ATRNL1: variants seen among roughly 807,000 people sequenced by gnomAD.
ATRNL1 encodes the protein attractin like 1.
Under a neutral mutation model 182.7 loss-of-function variants are expected in ATRNL1, and 95 were observed. The ratio of observed to expected loss-of-function variants is 0.52; its 90% confidence interval spans 0.44 to 0.62. The LOEUF is 0.62. ATRNL1 is among the 20% of genes least tolerant of loss of function. The probability of loss-of-function intolerance (pLI) is 0.00; values close to 1 mark genes in which losing one functional copy is unlikely to be tolerated. For synonymous variants in ATRNL1, 576 were observed against 568.3 expected (o/e 1.01, Z -0.19); for missense variants, 1,471 against 1,679.5 (o/e 0.88, Z 2.17).
intron 9 of ATRNL1, among the ~76,000 whole-genome samples, chr10:115,232,975 G>T (rs782490785): frequency 6.6e-6 from 1 of 152,078 alleles, no homozygotes; most frequent in African/African-American, 2.4e-5. Context: ...TGTCAGCAGG[G>T]CCATTCCCTC....
intron 26 of ATRNL1, among the ~76,000 whole-genome samples, chr10:115,632,455 A>G (rs1292539391): frequency 6.6e-6 from 1 of 152,190 alleles, no homozygotes; most frequent in Non-Finnish European, 1.5e-5. Flanking sequence ...CAGTAATAAT[A>G]GGGATAAGAA....
At chr10:115,144,185 T>A (rs1390509623) in intron 5 of ATRNL1, among the ~76,000 whole-genome samples, 13 of 151,432 alleles carry the variant, frequency 8.6e-5, no homozygotes, top group African/African-American at 2.9e-4. Flanking sequence ...TCTCATGCTG[T>A]CGCCCAGGCT....
At chr10:115,358,511 A>G (rs572979751) in intron 19 of ATRNL1, among the ~76,000 whole-genome samples, 2 of 151,646 alleles carry the variant, frequency 1.3e-5, no homozygotes, top group Non-Finnish European at 3.0e-5. Context: ...CAAGCATTAT[A>G]TCTAAAAATG....
intron 3 of ATRNL1, among the ~76,000 whole-genome samples, chr10:115,123,821 C>T (rs953478322): frequency 5.3e-5 from 8 of 152,020 alleles, no homozygotes; most frequent in South Asian, 4.2e-4. Context: ...AGATCAGCAG[C>T]GGCATTAGAT....
intron 27 of ATRNL1, among the ~76,000 whole-genome samples, chr10:115,797,936 G>A (rs1302026846): frequency 6.6e-6 from 1 of 150,414 alleles, no homozygotes; most frequent in Non-Finnish European, 1.5e-5. Flanking sequence ...TTCTTTTTTT[G>A]AGACGGAGTC....
chr10:115,436,016 T>C (rs1554964745), intron 21 of ATRNL1, among the ~76,000 whole-genome samples: 1 of 152,148 alleles, frequency 6.6e-6, no homozygotes, highest in Non-Finnish European at 1.5e-5. Context: ...GCATTTTTAT[T>C]GTTGGGGTAC....
rs528524393 is a variant in ATRNL1 at position 115,749,756 on chromosome 10, A to G, written c.3903+22401A>G. ...TGGAAAGAGAGATATCTAAAAAGGG[A>G]TGAAATCATGCCAAACATCTTATCT... On this transcript the variant is annotated intron_variant, in intron 27 of 28. Transcript: ENST00000355044. Among the ~76,000 whole-genome samples the G allele has an allele frequency of 2.7e-4, 41 of 152,042 alleles. 1 individual carries two copies. The highest frequency in any genetic ancestry group is 8.9e-4 in the African/African-American group (37 of 41,542).
intron 27 of ATRNL1, among the ~76,000 whole-genome samples, chr10:115,745,233 T>G (rs1359124069): frequency 6.6e-6 from 1 of 152,052 alleles, no homozygotes; most frequent in Non-Finnish European, 1.5e-5. Flanking sequence ...CCATATTTTA[T>G]GCAGACTTCT....
intron 8 of ATRNL1, among the ~76,000 whole-genome samples, chr10:115,179,756 A>G (rs17722466): frequency 0.037 from 5,657 of 152,202 alleles, 134 homozygotes; most frequent in Non-Finnish European, 0.052. Context: ...AGAAGTATAA[A>G]CATTTCAGAA....
At chr10:115,173,805 C>T (rs1847385219) in intron 8 of ATRNL1, among the ~76,000 whole-genome samples, 1 of 150,978 alleles carries the variant, frequency 6.6e-6, no homozygotes, top group Admixed American at 6.6e-5. Context: ...TACCTTTGCT[C>T]ATCCCTTTAT....
chr10:115,373,427 C>A (rs1044149027), intron 19 of ATRNL1, among the ~76,000 whole-genome samples: 1 of 151,952 alleles, frequency 6.6e-6, no homozygotes, highest in Non-Finnish European at 1.5e-5. Context: ...TGTCGGAAAC[C>A]TTGTCTTATT....
At chr10:115,835,619 G>A (rs1200735367) in intron 27 of ATRNL1, among the ~76,000 whole-genome samples, 1 of 152,142 alleles carries the variant, frequency 6.6e-6, no homozygotes, top group African/African-American at 2.4e-5. Flanking sequence ...ATATAAAATT[G>A]GGCCTTGGCC....
chr10:115,888,414 G>C (rs1952002670), intron 28 of ATRNL1, among the ~76,000 whole-genome samples: 1 of 152,116 alleles, frequency 6.6e-6, no homozygotes, highest in Admixed American at 6.6e-5. Flanking sequence ...TGTTTTTTCA[G>C]GGCCAGAAGA....
chr10:115,557,993 C>T (rs577530309), intron 26 of ATRNL1, among the ~76,000 whole-genome samples: 93 of 150,674 alleles, frequency 6.2e-4, no homozygotes, highest in African/African-American at 2.2e-3. Flanking sequence ...TGCAGTGAGC[C>T]GAGATCCTGC....
chr10:115,828,830 A>C lies in ATRNL1; in HGVS notation c.3904-19047A>C, dbSNP rs1376802674. 2.0e-5 allele frequency among the ~76,000 whole-genome samples: 3 copies of C among 152,202 alleles called. No homozygotes were observed. In the East Asian group the frequency reaches 5.8e-4, roughly 29 times the overall value. The stretch of plus-strand genomic sequence containing the variant: ...TAAGTATGCATTTATCAGCCTGTGC[A>C]GGACAAATCTAAGAGTCTCCTAATA... On this transcript the variant is annotated intron_variant, in intron 27 of 28. Coordinates refer to ENST00000355044, the MANE Select transcript of ATRNL1 (RefSeq NM_207303.4).
chr10:115,824,603 G>A (rs1950383618), intron 27 of ATRNL1, among the ~76,000 whole-genome samples: 1 of 152,098 alleles, frequency 6.6e-6, no homozygotes, highest in Non-Finnish European at 1.5e-5. Flanking sequence ...CAAAAAGTGG[G>A]CGAAGGATAT....
At chr10:115,405,150 T>C (rs1458435704) in intron 20 of ATRNL1, among the ~76,000 whole-genome samples, 1 of 152,216 alleles carries the variant, frequency 6.6e-6, no homozygotes, top group Non-Finnish European at 1.5e-5. Flanking sequence ...TTGATCAGTC[T>C]TCTATATATT....
At chr10:115,677,398 T>C (rs577636855) in intron 26 of ATRNL1, among the ~76,000 whole-genome samples, 3 of 152,142 alleles carry the variant, frequency 2.0e-5, no homozygotes, top group South Asian at 4.1e-4. Flanking sequence ...GCAAGTGATA[T>C]GGTTTGGCTG....
chr10:115,427,319 T>C (rs1277129844), intron 21 of ATRNL1, among the ~76,000 whole-genome samples: 1 of 152,220 alleles, frequency 6.6e-6, no homozygotes, highest in East Asian at 1.9e-4. Flanking sequence ...TTAGATTGTT[T>C]TTATATTAAC....
Sources: allele counts gnomAD v4.1 joint callset (sites outside exome capture counted in the v4.1 genomes callset), GRCh38; gene constraint gnomAD v4.1.1; transcripts MANE v1.5; gene names NCBI Gene and HGNC (gene_info 2026-07-23, HGNC 2026-07-21).